DCC: variants seen among roughly 807,000 people sequenced by gnomAD.
DCC encodes the protein DCC netrin 1 receptor.
In DCC, 58 loss-of-function variants were observed where a neutral mutation model predicts 172.5. The ratio of observed to expected loss-of-function variants is 0.34; its 90% CI spans 0.27 to 0.42. The LOEUF is 0.42. Among genes scored for constraint, DCC ranks in the 10% least tolerant of loss-of-function variants. The pLI, the probability that DCC is intolerant of heterozygous loss-of-function variation, is 1.00. For synonymous variants in DCC, 709 were observed against 644.5 expected (o/e 1.10, Z -1.52); for missense variants, 1,740 against 1,791.0 (o/e 0.97, Z 0.51).
At chr18:53,335,967 C>T (rs2057587046) in intron 14 of DCC, among the ~76,000 whole-genome samples, 1 of 152,170 alleles carries the variant, frequency 6.6e-6, no homozygotes, top group African/African-American at 2.4e-5. Context: ...AAGACCGCCC[C>T]TGTGAGTTAA....
intron 1 of DCC, among the ~76,000 whole-genome samples, chr18:52,723,089 T>G (rs1383286817): frequency 6.6e-6 from 1 of 152,164 alleles, no homozygotes; most frequent in African/African-American, 2.4e-5. Flanking sequence ...TGGTAGCTAA[T>G]CCTATTAGAT....
chr18:52,765,199 A>ATTTTTTTTTTTTTTTTTTTTTTTTTTTTT (rs369735420), intron 2 of DCC, among the ~76,000 whole-genome samples: 1 of 120,116 alleles, frequency 8.3e-6, no homozygotes. Flanking sequence ...ACTCCTGGCT[A>ATTTTTTTTTTTTTTTTTTTTTTTTTTTTT]ATTTTTTTTT....
At chr18:52,770,490 C>T (rs113147230) in intron 2 of DCC, among the ~76,000 whole-genome samples, 105 of 152,206 alleles carry the variant, frequency 6.9e-4, no homozygotes, top group Non-Finnish European at 5.4e-4. Flanking sequence ...TTAGCACATG[C>T]CTTCCTCACT....
At chr18:52,874,948 T>A (rs2039379548) in intron 2 of DCC, among the ~76,000 whole-genome samples, 1 of 152,058 alleles carries the variant, frequency 6.6e-6, no homozygotes, top group Non-Finnish European at 1.5e-5. Context: ...CTAGGTATAA[T>A]TTTGGTGGAC....
intron 2 of DCC, among the ~76,000 whole-genome samples, chr18:52,848,288 T>C (rs1200807631): frequency 6.6e-6 from 1 of 152,054 alleles, no homozygotes; most frequent in Non-Finnish European, 1.5e-5. Context: ...GGTTTTGCCA[T>C]GTTGGCCAGG....
At chr18:53,360,220 A>T (rs56030110) in intron 15 of DCC, among the ~76,000 whole-genome samples, 45,169 of 151,972 alleles carry the variant, frequency 0.3, 8,621 homozygotes, top group Non-Finnish European at 0.44. Context: ...AAGATACTGT[A>T]TATCTTATAT....
intron 5 of DCC, among the ~76,000 whole-genome samples, chr18:53,021,775 C>T (rs910849622): frequency 1.3e-5 from 2 of 152,102 alleles, no homozygotes; most frequent in African/African-American, 4.8e-5. Flanking sequence ...GTAGGCTGGC[C>T]TAATAAGAAA....
chr18:52,711,280 T>G (rs2036287527), intron 1 of DCC, among the ~76,000 whole-genome samples: 1 of 152,094 alleles, frequency 6.6e-6, no homozygotes, highest in Non-Finnish European at 1.5e-5. Flanking sequence ...CAGGCTGGAG[T>G]GCAATGGCGC....
chr18:53,205,541 T>C (rs2055611936), intron 10 of DCC, among the ~76,000 whole-genome samples, 177 bp downstream of exon 10: 1 of 152,156 alleles, frequency 6.6e-6, no homozygotes, highest in African/African-American at 2.4e-5. Context: ...CTTTACACAA[T>C]TTAATTAAAT....
chr18:52,496,805 T>C (rs1278006609), intron 1 of DCC, among the ~76,000 whole-genome samples: 1 of 152,096 alleles, frequency 6.6e-6, no homozygotes, highest in Non-Finnish European at 1.5e-5. Flanking sequence ...TCAGTTTAAA[T>C]CTCAATATTT....
At chr18:53,257,812 T>C (rs1407850079) in intron 12 of DCC, among the ~76,000 whole-genome samples, 1 of 152,190 alleles carries the variant, frequency 6.6e-6, no homozygotes, top group Non-Finnish European at 1.5e-5. Context: ...GTACCTCTGG[T>C]AGAATTTGGC....
intron 1 of DCC, among the ~76,000 whole-genome samples, chr18:52,569,290 T>C (rs1366078671): frequency 6.6e-6 from 1 of 152,210 alleles, no homozygotes; most frequent in Non-Finnish European, 1.5e-5. Context: ...TGTATAGATT[T>C]GCACAAATTA....
Position 53,127,039 on chromosome 18 carries a change from T to C in DCC, c.1262-30317T>C, listed in dbSNP as rs1159745081. ...AATTGTAGGTGCATCTCTTTCAGACTGAACACATATTAGAGATCAGTTTTA... is the reference window on the plus strand; with the variant it reads ...AATTGTAGGTGCATCTCTTTCAGACCGAACACATATTAGAGATCAGTTTTA... On this transcript the variant is annotated intron_variant, in intron 7 of 28. Transcript: ENST00000442544. Among the ~76,000 whole-genome samples, 4 of 151,894 alleles carry C rather than the reference T, an allele frequency of 2.6e-5. No homozygotes were observed. The East Asian group carries it at 7.7e-4, about 29-fold the overall frequency.
At chr18:52,797,806 G>C (rs925867435) in intron 2 of DCC, among the ~76,000 whole-genome samples, 1 of 152,250 alleles carries the variant, frequency 6.6e-6, no homozygotes, top group African/African-American at 2.4e-5. Context: ...TGCTGGCTGT[G>C]ATGGATGGGG....
At chr18:52,700,275 C>G (rs1339918689) in intron 1 of DCC, among the ~76,000 whole-genome samples, 2 of 82,824 alleles carry the variant, frequency 2.4e-5, no homozygotes, top group African/African-American at 9.8e-5. Flanking sequence ...CTCTTGTGCA[C>G]ACATGCACAC....
intron 5 of DCC, among the ~76,000 whole-genome samples, chr18:52,995,986 T>C (rs2041471610): frequency 6.6e-6 from 1 of 151,968 alleles, no homozygotes; most frequent in Admixed American, 6.6e-5. Context: ...GAGTAAAGAC[T>C]GTTCATACCA....
chr18:52,955,540 G>T (rs2040728827), intron 5 of DCC, among the ~76,000 whole-genome samples: 2 of 150,094 alleles, frequency 1.3e-5, no homozygotes, highest in Admixed American at 6.6e-5. Context: ...GGCATACATT[G>T]TCAGTTAAGT....
At chr18:52,675,276 A>G (rs1249329286) in intron 1 of DCC, among the ~76,000 whole-genome samples, 1 of 152,058 alleles carries the variant, frequency 6.6e-6, no homozygotes, top group African/African-American at 2.4e-5. Context: ...GCCAGGCTTG[A>G]ACTCCTGACC....
At chr18:53,185,794 C>G (rs1005334149) in intron 9 of DCC, among the ~76,000 whole-genome samples, 1 of 152,182 alleles carries the variant, frequency 6.6e-6, no homozygotes, top group Non-Finnish European at 1.5e-5. Context: ...TCACTAAAAA[C>G]AGCTTTCACA....
Sources: gnomAD v4.1 joint callset for allele counts (sites outside exome capture counted in the v4.1 genomes callset) on GRCh38, gnomAD v4.1.1 for gene constraint, MANE v1.5 for transcripts, NCBI Gene and HGNC (gene_info 2026-07-23, HGNC 2026-07-21) for gene names.